Variants in ANKRD28 observed in about 807,000 individuals in gnomAD.
The protein encoded by ANKRD28 is serine/threonine-protein phosphatase 6 regulatory ankyrin repeat subunit A.
ANKRD28 carries 44 observed loss-of-function variants against 126.5 expected under a neutral mutation model. The ratio of observed to expected loss-of-function variants is 0.35; its 90% confidence interval spans 0.27 to 0.45. ANKRD28 has a LOEUF of 0.45. Ranked by LOEUF, ANKRD28 falls within the 20% of genes least tolerant of loss-of-function variation. ANKRD28 has a pLI of 1.00. For synonymous variants in ANKRD28, 442 were observed against 468.5 expected (o/e 0.94, Z 0.73); for missense variants, 1,110 against 1,316.6 (o/e 0.84, Z 2.43).
chr3:15,739,893 G>A (rs1302144224), intron 4 of ANKRD28, among the ~76,000 whole-genome samples: 1 of 152,162 alleles, frequency 6.6e-6, no homozygotes, highest in Admixed American at 6.5e-5. Flanking sequence ...AAGATATATG[G>A]AGGCCTATCA....
intron 6 of ANKRD28, among the ~76,000 whole-genome samples, chr3:15,730,561 T>A (rs1330746685): frequency 6.6e-6 from 1 of 152,182 alleles, no homozygotes; most frequent in Non-Finnish European, 1.5e-5. Context: ...AACCTAGAGG[T>A]GACAATGCTT....
At chr3:15,813,074 A>T (rs1415962288) in intron 1 of ANKRD28, among the ~76,000 whole-genome samples, 1 of 150,962 alleles carries the variant, frequency 6.6e-6, no homozygotes, top group Non-Finnish European at 1.5e-5. Context: ...TTAGAGAAAA[A>T]ATTAAAAAGT....
chr3:15,813,577 C>T (rs936756388), intron 1 of ANKRD28, among the ~76,000 whole-genome samples: 1 of 152,102 alleles, frequency 6.6e-6, no homozygotes, highest in Non-Finnish European at 1.5e-5. Context: ...AATTACTGGG[C>T]CATAATTTTC....
intron 13 of ANKRD28, 49 bp from the exon 14 acceptor site, chr3:15,708,113 T>G: frequency 6.4e-7 from 1 of 1,550,620 alleles, no homozygotes; most frequent in South Asian, 1.2e-5. Context: ...GAGACATAAC[T>G]AGTAAACAAA....
intron 14 of ANKRD28, among the ~76,000 whole-genome samples, chr3:15,705,131 C>T (rs1401378052): frequency 6.6e-6 from 1 of 152,122 alleles, no homozygotes; most frequent in Non-Finnish European, 1.5e-5. Context: ...GTGTATCAGG[C>T]TGTTTAGTGT....
At position 15,839,800 on chromosome 3, in the gene ANKRD28, CCA is replaced by C. The variant is rs1424053494; in HGVS notation, c.27+19575_27+19576del. ...ATATCAACAAAATGAAGGACAAAAA[CCA>C]CATAGTCATGTCAACTGATGCTGAA... On this transcript the variant is annotated intron_variant, in intron 1 of 27. Coordinates refer to the ANKRD28 transcript ENST00000399451. The surrounding 1 kb of genome is among the most constrained non-coding windows in gnomAD (Gnocchi z 4.3). 6.6e-6 allele frequency among the ~76,000 whole-genome samples: 1 copy of C among 152,172 alleles called. No individual in the cohort carries two copies. The highest frequency in any genetic ancestry group is 2.4e-5 in the African/African-American group (1 of 41,452).
At position 15,686,102 on chromosome 3, in the gene ANKRD28, G is replaced by C. The variant is rs1425515218; in HGVS notation, c.2069C>G (p.Ser690Cys). 6.2e-7 allele frequency: 1 copy of C among 1,613,248 alleles called. No individual in the cohort carries two copies. Among genetic ancestry groups the C allele is most frequent in the Non-Finnish European group, 8.5e-7 (1 of 1,179,592 alleles). Residue 690 changes from serine (S) to cysteine (C), a missense_variant, in exon 20 of 28, where the codon TCT (serine) becomes TGT (cysteine). Coordinates refer to ENST00000683139, the MANE Select transcript of ANKRD28 (RefSeq NM_001349278.2). ...ACAGTCTGTGTGCCCGTTGAGAACA[G>C]ATAGCATCAGAGGCGTCCTGAGCAA... ...DGNGQTPLML[S>C]VLNGHTDCVY...
chr3:15,707,917 T>C lies in ANKRD28; in HGVS notation c.1547+7A>G. The C allele has an allele frequency of 6.2e-7, 1 of 1,612,296 alleles. No homozygotes were observed. On this transcript the variant is annotated splice_region_variant and intron_variant, in intron 14 of 27. Coordinates refer to ENST00000683139, the MANE Select transcript of ANKRD28 (RefSeq NM_001349278.2). ...TGATCCTCCACTCTCACTCCTATGG[T>C]ACTTACTTGCCATCTGTGTCTGATG...
At position 15,712,132 on chromosome 3, in the gene ANKRD28, A is replaced by G; in HGVS notation, c.1273+8T>C. 1 of 1,564,010 alleles carries G rather than the reference A, an allele frequency of 6.4e-7. No homozygotes were observed. Among genetic ancestry groups the G allele is most frequent in the Non-Finnish European group, 8.7e-7 (1 of 1,153,020 alleles). On this transcript the variant is annotated splice_region_variant and intron_variant, in intron 11 of 27. Transcript: ENST00000683139. ...AGACATACAAAAGGCTGCAAAGGTT[A>G]CACTTACCTGAAGAAAGAAGTTTTC...
intron 1 of ANKRD28, among the ~76,000 whole-genome samples, chr3:15,806,526 CTT>C (rs564676719): frequency 4.1e-5 from 6 of 145,750 alleles, no homozygotes; most frequent in African/African-American, 5.0e-5. Context: ...ATCATCACAT[CTT>C]TTTTTTTTTT....
chr3:15,719,794 A>T (rs1043195358), intron 8 of ANKRD28, among the ~76,000 whole-genome samples: 1 of 151,884 alleles, frequency 6.6e-6, no homozygotes, highest in Non-Finnish European at 1.5e-5. Flanking sequence ...GCCTCAAGTG[A>T]TCTTCTCGCC....
rs2060847142 is a variant in ANKRD28, at chr3:15,817,076, A to G, written c.28-21770T>C. 2.0e-5 allele frequency among the ~76,000 whole-genome samples: 3 copies of G among 152,058 alleles called. No homozygotes were observed. Among genetic ancestry groups the G allele is most frequent in the African/African-American group, 7.2e-5 (3 of 41,420 alleles). ...CCAAAAGAAACCCAAACAAAAGCAC[A>G]CATCTGAATACTGTAAAGGCCCAGT... On this transcript the variant is annotated intron_variant, in intron 1 of 27. Transcript: ENST00000399451. This position sits in a 1 kb window ranked among gnomAD's most constrained non-coding sequence, Gnocchi z 4.5.
chr3:15,720,556 C>A (rs555386877), intron 8 of ANKRD28, among the ~76,000 whole-genome samples: 7 of 152,276 alleles, frequency 4.6e-5, no homozygotes, highest in African/African-American at 1.4e-4. Flanking sequence ...TCAGTTTTGA[C>A]AAATGTATAT....
chr3:15,855,120 C>T (rs868367340), intron 1 of ANKRD28, among the ~76,000 whole-genome samples: 3 of 152,154 alleles, frequency 2.0e-5, no homozygotes, highest in African/African-American at 7.2e-5. Context: ...ATCTGGGCAT[C>T]AGTGTTCTTC....
chr3:15,741,098 C>T (rs2075428665), intron 4 of ANKRD28, among the ~76,000 whole-genome samples: 1 of 152,044 alleles, frequency 6.6e-6, no homozygotes, highest in African/African-American at 2.4e-5. Context: ...ACCTGGGAGG[C>T]TGAGGCAGGA....
intron 8 of ANKRD28, among the ~76,000 whole-genome samples, chr3:15,716,260 G>A (rs187087229): frequency 6.7e-6 from 1 of 150,348 alleles, no homozygotes; most frequent in East Asian, 1.9e-4. Context: ...AGGATTACAG[G>A]CATGAGCCAC....
In ANKRD28 at chr3:15,690,056, T is replaced by C. The variant is rs775935628; in HGVS notation, c.1926A>G (p.Lys642=). ...TAGGTGTCCTCTTCAAAATGTAATCTTTTACTAAGATTGAGGCTCCCTGAT... is the reference window on the plus strand; with the variant it reads ...TAGGTGTCCTCTTCAAAATGTAATCCTTTACTAAGATTGAGGCTCCCTGAT... ...LINQGASILV[K]DYILKRTPIH... is the part of the protein sequence containing the mutation. Residue 642 remains lysine (K), a synonymous_variant, in exon 18 of 28, where the codon AAA becomes AAG. Coordinates refer to ENST00000683139, the MANE Select transcript of ANKRD28 (RefSeq NM_001349278.2). The C allele has an allele frequency of 4.0e-5, 65 of 1,611,528 alleles. No individual in the cohort carries two copies. In the East Asian group the frequency reaches 1.4e-3, roughly 35 times the overall value.
intron 1 of ANKRD28, among the ~76,000 whole-genome samples, chr3:15,822,614 G>A (rs2060969000): frequency 6.6e-6 from 1 of 152,016 alleles, no homozygotes; most frequent in African/African-American, 2.4e-5. Context: ...TTGTCCCAGA[G>A]GAAGGCCAGA....
intron 1 of ANKRD28, 59 bp downstream of exon 1, chr3:15,796,346 C>G: frequency 9.9e-7 from 1 of 1,008,324 alleles, no homozygotes; most frequent in Non-Finnish European, 1.2e-6. Context: ...TCTTAAAAAA[C>G]AAGATTTATA....
Sources: allele counts gnomAD v4.1 joint callset (sites outside exome capture counted in the v4.1 genomes callset), GRCh38; gene constraint gnomAD v4.1.1; non-coding constraint Gnocchi (gnomAD v3.1); transcripts MANE v1.5; gene names NCBI Gene and HGNC (gene_info 2026-07-23, HGNC 2026-07-21).